Variants in GALNTL6 observed in about 807,000 individuals in gnomAD.
GALNTL6 encodes polypeptide N-acetylgalactosaminyltransferase-like 6.
GALNTL6 carries 46 observed loss-of-function variants against 73.7 expected under a neutral mutation model. That is an observed-to-expected ratio of 0.62 (90% CI 0.49 to 0.80). The LOEUF is 0.80. Among genes scored for constraint, GALNTL6 ranks in the 30% least tolerant of loss-of-function variants. The pLI is 0.00. For synonymous variants in GALNTL6, 259 were observed against 263.7 expected (o/e 0.98, Z 0.17); for missense variants, 604 against 755.0 (o/e 0.80, Z 2.34).
intron 5 of GALNTL6, among the ~76,000 whole-genome samples, chr4:172,724,844 G>C (rs2111369812): frequency 6.6e-6 from 1 of 152,172 alleles, no homozygotes; most frequent in Admixed American, 6.5e-5. Flanking sequence ...TGGGATTCAA[G>C]AATCAAAATG....
At chr4:172,791,367 G>A (rs898958128) in intron 5 of GALNTL6, among the ~76,000 whole-genome samples, 1 of 152,164 alleles carries the variant, frequency 6.6e-6, no homozygotes, top group Non-Finnish European at 1.5e-5. Flanking sequence ...ATCCTCCATT[G>A]AAAATATAGA....
At chr4:172,233,665 C>A (rs986262841) in intron 3 of GALNTL6, among the ~76,000 whole-genome samples, 1 of 152,016 alleles carries the variant, frequency 6.6e-6, no homozygotes, top group Non-Finnish European at 1.5e-5. Context: ...TGTACTATAT[C>A]TTTATTACAA....
intron 3 of GALNTL6, among the ~76,000 whole-genome samples, chr4:172,241,888 C>T (rs2110994285): frequency 6.6e-6 from 1 of 152,222 alleles, no homozygotes; most frequent in South Asian, 2.1e-4. Flanking sequence ...TTGGCTGCAC[C>T]TCTCAGCTGT....
intron 2 of GALNTL6, among the ~76,000 whole-genome samples, chr4:171,911,247 C>A (rs951272354): frequency 1.3e-5 from 2 of 152,170 alleles, no homozygotes; most frequent in Admixed American, 1.3e-4. Flanking sequence ...GCAGCCTCTA[C>A]CTCCCAGGCT....
intron 2 of GALNTL6, among the ~76,000 whole-genome samples, chr4:171,828,975 A>T (rs1734895576): frequency 6.6e-6 from 1 of 152,106 alleles, no homozygotes; most frequent in African/African-American, 2.4e-5. Context: ...TCTCTAGCTT[A>T]CTTTACTGTA....
chr4:172,995,498 C>T (rs1751739370), intron 10 of GALNTL6, among the ~76,000 whole-genome samples: 2 of 152,176 alleles, frequency 1.3e-5, no homozygotes, highest in South Asian at 4.1e-4. Flanking sequence ...ACAGGAACTG[C>T]TATTCCCGTA....
intron 10 of GALNTL6, among the ~76,000 whole-genome samples, chr4:173,006,779 G>A (rs2126487762): frequency 6.6e-6 from 1 of 152,292 alleles, no homozygotes; most frequent in South Asian, 2.1e-4. Flanking sequence ...ATCTGGAGTC[G>A]ATGGGTTCCA....
At chr4:172,851,915 C>T (rs1344358850) in intron 7 of GALNTL6, among the ~76,000 whole-genome samples, 2 of 152,076 alleles carry the variant, frequency 1.3e-5, no homozygotes, top group Non-Finnish European at 2.9e-5. Context: ...CTGATTAGAC[C>T]AGGACAGCAG....
At chr4:172,658,230 G>T (rs528006457) in intron 5 of GALNTL6, among the ~76,000 whole-genome samples, 2 of 148,298 alleles carry the variant, frequency 1.3e-5, no homozygotes, top group African/African-American at 5.0e-5. Flanking sequence ...ACTTTGGGAG[G>T]CCGAGACGGG....
At chr4:172,256,790 G>A (rs765935504) in intron 3 of GALNTL6, among the ~76,000 whole-genome samples, 16 of 151,304 alleles carry the variant, frequency 1.1e-4, no homozygotes, top group Non-Finnish European at 1.9e-4. Flanking sequence ...TCTAATAGAT[G>A]TTAATTAATA....
At chr4:172,052,264 C>T (rs953192195) in intron 2 of GALNTL6, among the ~76,000 whole-genome samples, 1 of 57,452 alleles carries the variant, frequency 1.7e-5, no homozygotes, top group African/African-American at 4.2e-5. Flanking sequence ...TTCAGTAGAG[C>T]CTCAAGGCAG....
intron 5 of GALNTL6, among the ~76,000 whole-genome samples, chr4:172,787,542 CCTTAAAGCAAAGGTTCCCACTATTTGTGT>C (rs1739730167): frequency 6.6e-6 from 1 of 152,156 alleles, no homozygotes; most frequent in Non-Finnish European, 1.5e-5. Flanking sequence ...TGGTCTTGTG[CCTTAAAGCAAAGGTTCCCACTATTTGTGT>C]CTCTGCTTCA....
chr4:172,878,723 C>A (rs1161239951), intron 7 of GALNTL6, among the ~76,000 whole-genome samples: 1 of 151,468 alleles, frequency 6.6e-6, no homozygotes, highest in Non-Finnish European at 1.5e-5. Flanking sequence ...GGAAAGGAAA[C>A]AACAGGTGAG....
chr4:172,872,460 T>TC (rs1744995379), intron 7 of GALNTL6, among the ~76,000 whole-genome samples: 2 of 152,196 alleles, frequency 1.3e-5, no homozygotes, highest in South Asian at 2.1e-4. Flanking sequence ...GATTTCTAAA[T>TC]CAGCATGCTT....
At chr4:172,301,368 C>T (rs1264616861) in intron 3 of GALNTL6, among the ~76,000 whole-genome samples, 7 of 152,212 alleles carry the variant, frequency 4.6e-5, no homozygotes, top group African/African-American at 1.4e-4. Flanking sequence ...TCTCTCAACT[C>T]GTCAAAGTCA....
chr4:171,825,345 A>G (rs1317113237), intron 2 of GALNTL6, among the ~76,000 whole-genome samples: 2 of 152,112 alleles, frequency 1.3e-5, no homozygotes, highest in Non-Finnish European at 2.9e-5. Context: ...CCGGAAAGAC[A>G]GGGGAATGGA....
chr4:171,866,161 G>A (rs1010142889), intron 2 of GALNTL6, among the ~76,000 whole-genome samples: 12 of 152,136 alleles, frequency 7.9e-5, no homozygotes, highest in Non-Finnish European at 4.4e-5. Flanking sequence ...AAGAAGAGGA[G>A]CAGGTAATGT....
intron 5 of GALNTL6, among the ~76,000 whole-genome samples, chr4:172,643,791 C>T (rs1329895979): frequency 1.3e-5 from 2 of 151,864 alleles, no homozygotes. Context: ...TATTAATATA[C>T]CCAGTTGATT....
chr4:171,980,328 A>G (rs1175029965), intron 2 of GALNTL6, among the ~76,000 whole-genome samples: 1 of 152,202 alleles, frequency 6.6e-6, no homozygotes, highest in Non-Finnish European at 1.5e-5. Flanking sequence ...TTCGTTTAGA[A>G]CGCAGCCTGT....
Sources: gnomAD v4.1 joint callset for allele counts (sites outside exome capture counted in the v4.1 genomes callset) on GRCh38, gnomAD v4.1.1 for gene constraint, MANE v1.5 for transcripts, NCBI Gene and HGNC (gene_info 2026-07-23, HGNC 2026-07-21) for gene names.